The following SPTLC3 variants were observed in gnomAD, a reference collection of about 807,000 sequenced individuals.
SPTLC3 encodes serine palmitoyltransferase long chain base subunit 3.
In SPTLC3, 36 loss-of-function variants were observed where a neutral mutation model predicts 59.3. The observed-to-expected ratio is 0.61, with a 90% CI of 0.47 to 0.80. The LOEUF (loss-of-function observed/expected upper bound fraction) is 0.80, where lower values mean the gene tolerates loss of function less well. Among genes scored for constraint, SPTLC3 ranks in the 30% least tolerant of loss-of-function variants. SPTLC3 has a pLI of 0.00. For synonymous variants in SPTLC3, 257 were observed against 240.8 expected, an observed-to-expected ratio of 1.07 and a Z score of -0.62; for missense variants, 625 against 685.1, an observed-to-expected ratio of 0.91 and a Z score of 0.98.
At chr20:13,148,733 C>G (rs2038574695) in intron 9 of SPTLC3, among the ~76,000 whole-genome samples, 1 of 152,120 alleles carries the variant, frequency 6.6e-6, no homozygotes, top group African/African-American at 2.4e-5. Context: ...TTGTTAAAAC[C>G]AAAACTTATG....
chr20:13,078,881 A>G (rs1988741810), intron 4 of SPTLC3, among the ~76,000 whole-genome samples: 1 of 152,184 alleles, frequency 6.6e-6, no homozygotes, highest in Non-Finnish European at 1.5e-5. Flanking sequence ...ATTTTCCTCC[A>G]CTTTACATAT....
intron 9 of SPTLC3, among the ~76,000 whole-genome samples, chr20:13,129,616 G>C (rs1461805628): frequency 6.6e-6 from 1 of 152,172 alleles, no homozygotes; most frequent in East Asian, 1.9e-4. Flanking sequence ...CTCATTTCCG[G>C]AGTCCTTTGG....
At chr20:13,136,331 T>G (rs980646600) in intron 9 of SPTLC3, among the ~76,000 whole-genome samples, 1 of 152,054 alleles carries the variant, frequency 6.6e-6, no homozygotes, top group African/African-American at 2.4e-5. Flanking sequence ...GTGTGGTGGC[T>G]CACACCTGTA....
At chr20:13,113,523 C>G (rs1253002429) in intron 7 of SPTLC3, among the ~76,000 whole-genome samples, 1 of 152,128 alleles carries the variant, frequency 6.6e-6, no homozygotes, top group Non-Finnish European at 1.5e-5. Context: ...AGAAGTCAGA[C>G]AACTCCACAA....
At chr20:13,111,331 G>A (rs1990222027) in intron 7 of SPTLC3, among the ~76,000 whole-genome samples, 1 of 152,152 alleles carries the variant, frequency 6.6e-6, no homozygotes, top group Non-Finnish European at 1.5e-5. Context: ...AGACATAGTA[G>A]TTCTCCAGGG....
chr20:13,097,995 T>A (rs1989479546), intron 6 of SPTLC3, among the ~76,000 whole-genome samples: 1 of 152,204 alleles, frequency 6.6e-6, no homozygotes, highest in African/African-American at 2.4e-5. Context: ...TTAAAAATAC[T>A]GAAGTGGATC....
At position 13,117,701 on chromosome 20, in the gene SPTLC3, A is replaced by G. The variant is rs764427898; in HGVS notation, c.1128A>G (p.Ser376=). 1 of 1,612,918 alleles carries G rather than the reference A, an allele frequency of 6.2e-7. No homozygotes were observed. Among genetic ancestry groups the G allele is most frequent in the Admixed American group, 1.7e-5 (1 of 59,914 alleles). ...MGTFTKSFGA[S]GGYIAGRKDL... ...CATTCACCAAAAGTTTTGGAGCTTCAGGAGGTTACATAGCTGGAAGGAAGG... is the reference window on the plus strand; with the variant it reads ...CATTCACCAAAAGTTTTGGAGCTTCGGGAGGTTACATAGCTGGAAGGAAGG... Residue 376 remains serine, a synonymous_variant, in exon 8 of 12, where the codon TCA becomes TCG. Transcript: ENST00000399002.
intron 8 of SPTLC3, among the ~76,000 whole-genome samples, chr20:13,119,505 T>C (rs962116252): frequency 1.1e-4 from 17 of 152,246 alleles, no homozygotes; most frequent in African/African-American, 4.1e-4. Context: ...AAATTACCAT[T>C]ATTTACATTA....
chr20:13,075,279 T>G (rs921908116), intron 4 of SPTLC3, among the ~76,000 whole-genome samples: 2 of 152,150 alleles, frequency 1.3e-5, no homozygotes, highest in African/African-American at 4.8e-5. Context: ...CAGCTTTCTC[T>G]ACTACAGCCC....
At chr20:13,100,858 T>C (rs529193238) in intron 6 of SPTLC3, among the ~76,000 whole-genome samples, 40 of 152,302 alleles carry the variant, frequency 2.6e-4, no homozygotes, top group Middle Eastern at 6.8e-3. Flanking sequence ...GGGGTCAAAA[T>C]GCAGACCCAA....
intron 1 of SPTLC3, among the ~76,000 whole-genome samples, chr20:13,021,460 C>T (rs1985876480): frequency 6.6e-6 from 1 of 152,020 alleles, no homozygotes; most frequent in African/African-American, 2.4e-5. Context: ...CCCTGGGAAA[C>T]AACCTTCCTC....
At chr20:13,075,264 T>C (rs1988603771) in intron 4 of SPTLC3, among the ~76,000 whole-genome samples, 1 of 152,182 alleles carries the variant, frequency 6.6e-6, no homozygotes, top group South Asian at 2.1e-4. Flanking sequence ...ATTCCCAGTC[T>C]AGCTCAGCTT....
At chr20:13,096,442 A>AT (rs1327491645) in intron 6 of SPTLC3, among the ~76,000 whole-genome samples, 2 of 144,448 alleles carry the variant, frequency 1.4e-5, no homozygotes, top group Non-Finnish European at 3.1e-5. Flanking sequence ...CTACTCCACA[A>AT]TTAAAAAAAA....
At chr20:13,069,455 C>G (rs1172055212) in intron 2 of SPTLC3, among the ~76,000 whole-genome samples, 3 of 152,126 alleles carry the variant, frequency 2.0e-5, no homozygotes, top group Non-Finnish European at 4.4e-5. Flanking sequence ...TGAAACTGTT[C>G]CACCTCAGAT....
At chr20:13,014,829 C>T (rs1258896410) in intron 1 of SPTLC3, among the ~76,000 whole-genome samples, 2 of 151,912 alleles carry the variant, frequency 1.3e-5, no homozygotes, top group African/African-American at 4.8e-5. Flanking sequence ...CAATTCCGGT[C>T]CATAATCAGT....
chr20:13,089,879 AC>A (rs1989155437), intron 4 of SPTLC3, among the ~76,000 whole-genome samples: 1 of 152,070 alleles, frequency 6.6e-6, no homozygotes, highest in Non-Finnish European at 1.5e-5. Context: ...TTTTACACTT[AC>A]AGCACATCTT....
chr20:13,073,790 T>C (rs1003087041), intron 3 of SPTLC3: 26 of 600,602 alleles, frequency 4.3e-5, no homozygotes, highest in Admixed American at 8.0e-5. Flanking sequence ...CCTGCACTGG[T>C]CCTGGAGCTG....
At position 13,020,360 on chromosome 20, in the gene SPTLC3, G is replaced by GAAAAGA. The variant is rs1555786651; in HGVS notation, c.117+10980_117+10981insGAAAAA. On this transcript the variant is annotated intron_variant, in intron 1 of 11. Coordinates refer to ENST00000399002, the MANE Select transcript of SPTLC3 (RefSeq NM_018327.4). ...GACCCCATTTCTTAAAAAAAAAAAA[G>GAAAAGA]AAAAAAAAGAAAATTAATTAGCTGG... 1.0e-4 allele frequency among the ~76,000 whole-genome samples: 15 copies of GAAAAGA among 146,166 alleles called. No individual in the cohort carries two copies. In the East Asian group the frequency reaches 2.8e-3, roughly 27 times the overall value.
chr20:13,049,001 A>G lies in SPTLC3; in HGVS notation c.174A>G (p.Ala58=). 3 of 1,603,172 alleles carry G rather than the reference A, an allele frequency of 1.9e-6. No individual in the cohort carries two copies. Among genetic ancestry groups the G allele is most frequent in the Non-Finnish European group, 2.5e-6 (3 of 1,177,028 alleles). The change falls in exon 2 of 12, where the codon GCA becomes GCG. Residue 58 remains alanine, a synonymous_variant. Coordinates refer to ENST00000399002, the MANE Select transcript of SPTLC3 (RefSeq NM_018327.4). ...DKLIVESFEE[A]PLHVMVFTYM... is the part of the protein sequence containing the mutation. ...TCATTGTTGAATCGTTTGAGGAAGC[A>G]CCCCTTCATGTTATGGTTTTCACTT...
Sources: gnomAD v4.1 joint callset for allele counts (sites outside exome capture counted in the v4.1 genomes callset) on GRCh38, gnomAD v4.1.1 for gene constraint, MANE v1.5 for transcripts, NCBI Gene and HGNC (gene_info 2026-07-23, HGNC 2026-07-21) for gene names.